Variants in FER1L6 observed in about 807,000 individuals in gnomAD.
FER1L6 encodes fer-1-like protein 6.
Under a neutral mutation model 219.2 loss-of-function variants are expected in FER1L6, and 177 were observed. The observed-to-expected ratio is 0.81, with a 90% CI of 0.71 to 0.91. FER1L6 has a LOEUF of 0.91. FER1L6 is among the 40% of genes least tolerant of loss of function. FER1L6 has a pLI of 0.00. For missense variants in FER1L6, 2,153 were observed against 2,259.9 expected, an observed-to-expected ratio of 0.95 and a Z score of 0.96; for synonymous variants, 768 against 824.3, an observed-to-expected ratio of 0.93 and a Z score of 1.17.
rs114347406 is a variant in FER1L6 at position 123,895,102 on chromosome 8, T to C, written c.-8+42917T>C. ...CAACTGATAGGATGAAATGAGAAGA[T>C]TGCATCATCACTTCATGATATTTCT... On this transcript the variant is annotated intron_variant, in intron 1 of 40. Transcript: ENST00000522917. Among the ~76,000 whole-genome samples, 431 of 152,306 alleles carry C rather than the reference T, an allele frequency of 2.8e-3. 1 individual carries two copies. The highest frequency in any genetic ancestry group is 9.5e-3 in the African/African-American group (393 of 41,562).
At chr8:123,963,473 G>T in intron 3 of FER1L6, 75 bp downstream of exon 3, 7 of 1,516,490 alleles carry the variant, frequency 4.6e-6, no homozygotes, top group Non-Finnish European at 6.4e-6. Flanking sequence ...TACAGGTGCT[G>T]GGAGAAGAGA....
Position 123,970,038 on chromosome 8 carries a change from T to G in FER1L6, c.388T>G (p.Phe130Val). Reference sequence around the variant, plus strand: ...GAATGAACTTTTTGTTTTGCAGTACTTTGTCTTCGACTTCATTGGGCCCCA... The same window carrying G: ...GAATGAACTTTTTGTTTTGCAGTACGTTGTCTTCGACTTCATTGGGCCCCA... Reference protein sequence around the residue: ...GTNSPFYNEYFVFDFIGPQVH... With the variant: ...GTNSPFYNEYVVFDFIGPQVH... Residue 130 changes from phenylalanine (F) to valine (V), a missense_variant, in exon 6 of 41, where the codon TTT becomes GTT. Coordinates refer to ENST00000522917, the MANE Select transcript of FER1L6 (RefSeq NM_001039112.2). 6.2e-7 allele frequency: 1 copy of G among 1,614,020 alleles called. No individual in the cohort carries two copies. The highest frequency in any genetic ancestry group is 8.5e-7 in the Non-Finnish European group (1 of 1,179,878).
At chr8:123,937,271 T>A (rs778036086) in intron 1 of FER1L6, among the ~76,000 whole-genome samples, 1 of 152,204 alleles carries the variant, frequency 6.6e-6, no homozygotes, top group Non-Finnish European at 1.5e-5. Flanking sequence ...ACAGATGAAG[T>A]CAATTAACAA....
intron 31 of FER1L6, among the ~76,000 whole-genome samples, chr8:124,074,124 C>T (rs1336271962): frequency 6.6e-6 from 1 of 152,186 alleles, no homozygotes; most frequent in Non-Finnish European, 1.5e-5. Flanking sequence ...TTACCATCCT[C>T]CTACTCTGGC....
intron 1 of FER1L6, among the ~76,000 whole-genome samples, chr8:123,926,271 G>T (rs1019174082): frequency 6.6e-6 from 1 of 152,110 alleles, no homozygotes; most frequent in Admixed American, 6.5e-5. Flanking sequence ...TTTGCATGAC[G>T]GCCTTCTGAG....
intron 6 of FER1L6, among the ~76,000 whole-genome samples, chr8:123,972,836 C>T (rs537234945): frequency 8.5e-5 from 13 of 152,206 alleles, no homozygotes; most frequent in Non-Finnish European, 1.6e-4. Context: ...TGTGGCTTTT[C>T]AACCTGGCAC....
intron 1 of FER1L6, among the ~76,000 whole-genome samples, chr8:123,955,648 T>A (rs1814979838): frequency 6.6e-6 from 1 of 152,328 alleles, no homozygotes; most frequent in South Asian, 2.1e-4. Flanking sequence ...GTTGCTGTGG[T>A]GATAAATGAT....
At position 124,119,691 on chromosome 8, in the gene FER1L6, C is replaced by A; in HGVS notation, c.5475C>A (p.Ile1825=). The part of the protein sequence containing the change: ...YLIWKNYKKY[I]IIAFILIILI... ...TCTGGAAGAATTACAAAAAGTACATCATCATTGCTTTCATTCTCATCATCC... is the reference window on the plus strand; with the variant it reads ...TCTGGAAGAATTACAAAAAGTACATAATCATTGCTTTCATTCTCATCATCC... Residue 1825 remains isoleucine (I), a synonymous_variant, in exon 41 of 41, where the codon ATC becomes ATA. Coordinates refer to ENST00000522917, the MANE Select transcript of FER1L6 (RefSeq NM_001039112.2). 1.2e-6 allele frequency: 2 copies of A among 1,613,242 alleles called. No individual in the cohort carries two copies. Among genetic ancestry groups the A allele is most frequent in the Non-Finnish European group, 1.7e-6 (2 of 1,179,202 alleles).
intron 1 of FER1L6, among the ~76,000 whole-genome samples, chr8:123,895,720 GA>G (rs902694947): frequency 1.6e-4 from 25 of 152,180 alleles, no homozygotes; most frequent in African/African-American, 6.0e-4. Flanking sequence ...AATGAGTGCT[GA>G]AAGTGGCTGA....
intron 3 of FER1L6, 55 bp from the exon 4 acceptor site, chr8:123,965,952 G>A: frequency 7.0e-7 from 1 of 1,426,644 alleles, no homozygotes; most frequent in Non-Finnish European, 9.8e-7. Flanking sequence ...ATATTATCAT[G>A]ACTTATGGAT....
intron 12 of FER1L6, among the ~76,000 whole-genome samples, chr8:123,997,608 C>G (rs1817190995): frequency 6.6e-6 from 1 of 152,132 alleles, no homozygotes; most frequent in African/African-American, 2.4e-5. Context: ...CTACCCTGAT[C>G]TCTGTCTTTC....
intron 33 of FER1L6, among the ~76,000 whole-genome samples, chr8:124,084,018 G>A (rs1400951010): frequency 6.6e-6 from 1 of 151,906 alleles, no homozygotes; most frequent in African/African-American, 2.4e-5. Flanking sequence ...TATTTTATTT[G>A]TAGCTATTGT....
At chr8:123,858,500 T>A (rs2130247135) in intron 1 of FER1L6, among the ~76,000 whole-genome samples, 1 of 152,328 alleles carries the variant, frequency 6.6e-6, no homozygotes, top group South Asian at 2.1e-4. Context: ...ACTAGTGGAA[T>A]GAGGTTGGGT....
intron 18 of FER1L6, among the ~76,000 whole-genome samples, chr8:124,025,541 C>G (rs995061755): frequency 2.6e-5 from 4 of 152,266 alleles, no homozygotes; most frequent in Admixed American, 2.0e-4. Context: ...GCCTATATAT[C>G]TACTTTTATA....
At position 123,893,282 on chromosome 8, in the gene FER1L6, G is replaced by T. The variant is rs138997646; in HGVS notation, c.-8+41097G>T. Among the ~76,000 whole-genome samples the T allele has an allele frequency of 3.9e-3, 599 of 152,282 alleles. 3 individuals are homozygous for T. The highest frequency in any genetic ancestry group is 0.013 in the African/African-American group (560 of 41,552). On this transcript the variant is annotated intron_variant, in intron 1 of 40. Coordinates refer to ENST00000522917, the MANE Select transcript of FER1L6 (RefSeq NM_001039112.2). ...GGAGATTATGCTACCAGATTAGAGAGAAAACTTCCAGGACTCTAATTAAAA... is the reference window on the plus strand; with the variant it reads ...GGAGATTATGCTACCAGATTAGAGATAAAACTTCCAGGACTCTAATTAAAA...
intron 1 of FER1L6, among the ~76,000 whole-genome samples, chr8:123,896,114 G>C (rs1193899930): frequency 6.6e-6 from 1 of 152,154 alleles, no homozygotes; most frequent in East Asian, 1.9e-4. Context: ...AAACCAGGTA[G>C]GGTGCTCATG....
At chr8:124,011,679 T>G (rs939124451) in intron 14 of FER1L6, among the ~76,000 whole-genome samples, 17 of 148,212 alleles carry the variant, frequency 1.1e-4, no homozygotes, top group African/African-American at 4.0e-4. Context: ...AGAGACAAGA[T>G]GTAACTATGC....
chr8:123,937,066 C>T (rs55768463), intron 1 of FER1L6, among the ~76,000 whole-genome samples: 46,282 of 151,950 alleles, frequency 0.3, 7,512 homozygotes, highest in South Asian at 0.46. Flanking sequence ...CCACCATGCC[C>T]GGCTAATTTT....
intron 21 of FER1L6, 123 bp from the exon 22 acceptor site, chr8:124,049,484 A>T: frequency 8.9e-7 from 1 of 1,125,708 alleles, no homozygotes; most frequent in Non-Finnish European, 1.3e-6. Context: ...GCAGGAGAAA[A>T]GAGTGAGACA....
Sources: allele counts gnomAD v4.1 joint callset (sites outside exome capture counted in the v4.1 genomes callset), GRCh38; gene constraint gnomAD v4.1.1; transcripts MANE v1.5; gene names NCBI Gene and HGNC (gene_info 2026-07-23, HGNC 2026-07-21).